The following KALRN variants were observed in gnomAD, a reference collection of about 807,000 sequenced individuals.
KALRN encodes the protein kalirin RhoGEF kinase, also known as kalirin.
Under a neutral mutation model 353.7 loss-of-function variants are expected in KALRN, and 70 were observed. The observed-to-expected ratio is 0.20, with a 90% CI of 0.16 to 0.24. The LOEUF (loss-of-function observed/expected upper bound fraction) is 0.24, where lower values mean the gene tolerates loss of function less well. KALRN is among the 10% of genes least tolerant of loss of function. The pLI, the probability that KALRN is intolerant of heterozygous loss-of-function variation, is 1.00. For missense variants in KALRN, 2,791 were observed against 3,756.7 expected (o/e 0.74, Z 6.72); for synonymous variants, 1,391 against 1,434.8 (o/e 0.97, Z 0.69).
chr3:124,062,577 TGCATTAGAGTGCAA>T (rs1172530378), intron 1 of KALRN, among the ~76,000 whole-genome samples: 1 of 146,804 alleles, frequency 6.8e-6, no homozygotes, highest in African/African-American at 2.5e-5. Context: ...TCTTTAACCC[TGCATTAGAGTGCAA>T]GCATTAACAT....
intron 33 of KALRN, among the ~76,000 whole-genome samples, chr3:124,500,864 G>A (rs1478821706): frequency 2.4e-5 from 3 of 126,746 alleles, no homozygotes; most frequent in African/African-American, 9.4e-5. Flanking sequence ...TTACTAAATG[G>A]CGGGGCTTTG....
intron 1 of KALRN, among the ~76,000 whole-genome samples, chr3:124,053,438 G>C (rs150204079): frequency 6.6e-6 from 1 of 152,294 alleles, no homozygotes; most frequent in East Asian, 1.9e-4. Context: ...TGAAGTCTCA[G>C]ACAATCTCCA....
chr3:124,250,124 T>G (rs2148741040), intron 3 of KALRN, among the ~76,000 whole-genome samples: 1 of 152,164 alleles, frequency 6.6e-6, no homozygotes, highest in East Asian at 1.9e-4. Context: ...TGCATGTGTC[T>G]GCGTGCTGCA....
At chr3:124,201,558 G>A (rs1344366064) in intron 1 of KALRN, among the ~76,000 whole-genome samples, 1 of 152,142 alleles carries the variant, frequency 6.6e-6, no homozygotes, top group Non-Finnish European at 1.5e-5. Context: ...AAAAAAAAAG[G>A]ATTTAAAATG....
At chr3:124,702,751 C>G (rs1052263231) in intron 57 of KALRN, among the ~76,000 whole-genome samples, 4 of 152,158 alleles carry the variant, frequency 2.6e-5, no homozygotes, top group African/African-American at 9.7e-5. Context: ...ATGAGTATTT[C>G]TAATCCCAAT....
At chr3:124,491,497 C>A (rs10755077) in intron 31 of KALRN, 73 bp downstream of exon 31, 543,207 of 1,119,284 alleles carry the variant, frequency 0.49, 134,764 homozygotes, top group East Asian at 0.68. Flanking sequence ...AGTGACACCT[C>A]AAAGCTAAGG....
At chr3:124,443,037 T>G (rs2093717878) in intron 19 of KALRN, among the ~76,000 whole-genome samples, 1 of 152,192 alleles carries the variant, frequency 6.6e-6, no homozygotes, top group South Asian at 2.1e-4. Flanking sequence ...AACCTGCATT[T>G]TGGCAAAACT....
chr3:124,443,596 G>A (rs2093737079), intron 19 of KALRN, among the ~76,000 whole-genome samples: 1 of 152,230 alleles, frequency 6.6e-6, no homozygotes, highest in African/African-American at 2.4e-5. Flanking sequence ...GAAAGCATAT[G>A]TTCTGGCTTC....
intron 1 of KALRN, among the ~76,000 whole-genome samples, chr3:124,207,013 T>C (rs981256607): frequency 6.6e-6 from 1 of 152,196 alleles, no homozygotes; most frequent in Non-Finnish European, 1.5e-5. Context: ...ACTATTGGGC[T>C]AGCTGGAAGA....
chr3:124,509,366 G>A (rs896246153), intron 33 of KALRN, among the ~76,000 whole-genome samples: 4 of 152,056 alleles, frequency 2.6e-5, no homozygotes, highest in Non-Finnish European at 4.4e-5. Context: ...ACACCACCAC[G>A]CCCAACTAAT....
intron 34 of KALRN, among the ~76,000 whole-genome samples, chr3:124,595,289 A>G (rs1023546546): frequency 6.6e-6 from 1 of 152,110 alleles, no homozygotes; most frequent in East Asian, 1.9e-4. Context: ...ATTCCATGGT[A>G]TACTGGAGCC....
chr3:124,501,972 T>A (rs932607648), intron 33 of KALRN, among the ~76,000 whole-genome samples: 2 of 152,198 alleles, frequency 1.3e-5, no homozygotes, highest in African/African-American at 4.8e-5. Context: ...TGGTTTTTCT[T>A]CTGAGAAAAA....
At chr3:124,391,625 T>C (rs570994443) in intron 11 of KALRN, among the ~76,000 whole-genome samples, 1 of 152,324 alleles carries the variant, frequency 6.6e-6, no homozygotes, top group Admixed American at 6.5e-5. Flanking sequence ...TTGAGAGAGA[T>C]AGAAAAATTA....
At chr3:124,112,307 A>C (rs993218653) in intron 1 of KALRN, among the ~76,000 whole-genome samples, 96 of 150,684 alleles carry the variant, frequency 6.4e-4, no homozygotes, top group South Asian at 4.0e-3. Context: ...CATCTCACAA[A>C]AAAAAAAAAA....
At chr3:124,655,434 G>C (rs939549867) in intron 38 of KALRN, among the ~76,000 whole-genome samples, 167 bp from the exon 39 acceptor site, 2 of 152,202 alleles carry the variant, frequency 1.3e-5, no homozygotes, top group East Asian at 3.8e-4. Context: ...CTTCAGTAGG[G>C]CCTCCTCTAG....
At chr3:124,119,938 A>G (rs867564599) in intron 1 of KALRN, among the ~76,000 whole-genome samples, 2 of 152,138 alleles carry the variant, frequency 1.3e-5, no homozygotes, top group African/African-American at 2.4e-5. Flanking sequence ...TGCTTTACCA[A>G]TGCTAATGGT....
At chr3:124,099,896 G>A (rs1277781453) in intron 1 of KALRN, among the ~76,000 whole-genome samples, 1 of 152,184 alleles carries the variant, frequency 6.6e-6, no homozygotes, top group Non-Finnish European at 1.5e-5. Context: ...AGGTGCAGTG[G>A]CTCATGCCTG....
intron 6 of KALRN, among the ~76,000 whole-genome samples, chr3:124,323,265 T>C (rs2079537427): frequency 6.6e-6 from 1 of 152,172 alleles, no homozygotes; most frequent in African/African-American, 2.4e-5. Flanking sequence ...CCAACAGCCC[T>C]GCCAGTGGTT....
intron 8 of KALRN, among the ~76,000 whole-genome samples, chr3:124,330,214 G>A (rs932620551): frequency 6.7e-6 from 1 of 150,164 alleles, no homozygotes. Flanking sequence ...CACCACTTTG[G>A]TGCACTCGCA....
Sources: gnomAD v4.1 joint callset for allele counts (sites outside exome capture counted in the v4.1 genomes callset) on GRCh38, gnomAD v4.1.1 for gene constraint, MANE v1.5 for transcripts, NCBI Gene and HGNC (gene_info 2026-07-23, HGNC 2026-07-21) for gene names.